Variants in DSC3 observed in about 807,000 individuals in gnomAD.
DSC3 encodes the protein desmocollin 3.
DSC3 carries 97 observed loss-of-function variants against 89.5 expected under a neutral mutation model. The ratio of observed to expected loss-of-function variants is 1.08; its 90% CI spans 0.92 to 1.28. The LOEUF is 1.28. Ranked by LOEUF, DSC3 falls within the 50% of genes most tolerant of loss-of-function variation. The pLI is 0.00. For synonymous variants in DSC3, 436 were observed against 384.1 expected (o/e 1.14, Z -1.58); for missense variants, 1,199 against 1,085.3 (o/e 1.10, Z -1.47).
chr18:31,021,396 T>C (rs1017916213), intron 7 of DSC3, among the ~76,000 whole-genome samples: 4 of 152,166 alleles, frequency 2.6e-5, no homozygotes, highest in African/African-American at 9.7e-5. Context: ...ATTTTATCTA[T>C]AACATAAAAT....
chr18:31,022,264 G>A lies in DSC3; in HGVS notation c.942+72C>T, dbSNP rs1046078677. The A allele has an allele frequency of 8.4e-6, 13 of 1,554,486 alleles. No homozygotes were observed. The East Asian group carries it at 2.9e-4, about 35-fold the overall frequency. The stretch of plus-strand genomic sequence containing the variant: ...AATTAAACTATTAATCCACAGGATA[G>A]CAAGTTATAATAAATGGGGGAGGGA... On this transcript the variant is annotated intron_variant, in intron 7 of 15. Transcript: ENST00000360428.
At chr18:31,003,395 T>C (rs1984733171) in intron 13 of DSC3, among the ~76,000 whole-genome samples, 1 of 152,234 alleles carries the variant, frequency 6.6e-6, no homozygotes, top group Admixed American at 6.5e-5. Context: ...GTGTTTGATA[T>C]ATGTTTATTT....
At chr18:31,001,586 T>C (rs373821740) in intron 14 of DSC3, 32 bp downstream of exon 14, 4 of 1,603,256 alleles carry the variant, frequency 2.5e-6, no homozygotes, top group Non-Finnish European at 3.4e-6. Flanking sequence ...TTATCGGAGA[T>C]ACAAATACAT....
chr18:31,010,340 A>T (rs973965152), intron 9 of DSC3, among the ~76,000 whole-genome samples: 1 of 152,202 alleles, frequency 6.6e-6, no homozygotes, highest in Non-Finnish European at 1.5e-5. Flanking sequence ...TCACACAGAG[A>T]GTAAGAGCAA....
At chr18:31,022,862 T>A (rs879642249) in intron 6 of DSC3, among the ~76,000 whole-genome samples, 2 of 152,194 alleles carry the variant, frequency 1.3e-5, no homozygotes, top group Non-Finnish European at 2.9e-5. Context: ...ATAATCAGAT[T>A]TTTTAAAAAT....
chr18:31,032,906 A>G (rs1985849006), intron 1 of DSC3, among the ~76,000 whole-genome samples: 1 of 152,198 alleles, frequency 6.6e-6, no homozygotes, highest in East Asian at 1.9e-4. Flanking sequence ...TTCTATACAC[A>G]GATGACATAA....
Position 30,994,306 on chromosome 18 carries a change from A to G in DSC3, c.2560T>C (p.Tyr854His). 2 of 1,614,058 alleles carry G rather than the reference A, an allele frequency of 1.2e-6. No homozygotes were observed. Among genetic ancestry groups the G allele is most frequent in the Non-Finnish European group, 1.7e-6 (2 of 1,179,970 alleles). The change falls in exon 16 of 16, where the codon TAT becomes CAT. Residue 854 changes from tyrosine (Y) to histidine (H), a missense_variant. Physicochemically the swap from Tyr to His is moderately conservative, Grantham distance 83. Transcript: ENST00000360428. ...PSQDYVLTYN[Y>H]EGRGSPAGSV... is the part of the protein sequence containing the mutation. ...CCAGCTGGAGATCCTCTTCCCTCAT[A>G]GTTATAAGTGAGGACATAATCTTGG...
In DSC3 at chr18:31,001,727, G is replaced by A; in HGVS notation, c.2126C>T (p.Thr709Ile). Reference sequence around the variant, plus strand: ...TGCACCAAAAACTCCACATACTAAAGTTAGCAATACAGCTGAATTTAAAAA... The same window carrying A: ...TGCACCAAAAACTCCACATACTAAAATTAGCAATACAGCTGAATTTAAAAA... ...GIALLFSVLL[T>I]LVCGVFGATK... The change falls in exon 14 of 16, where the codon ACT (threonine) becomes ATT (isoleucine). Residue 709 changes from threonine (T) to isoleucine (I), a missense_variant. Thr to Ile is a moderately conservative substitution (Grantham distance 89, BLOSUM62 -1). Transcript: ENST00000360428. The A allele has an allele frequency of 6.2e-7, 1 of 1,603,568 alleles. No individual in the cohort carries two copies. Among genetic ancestry groups the A allele is most frequent in the Middle Eastern group, 1.7e-4 (1 of 5,988 alleles).
At chr18:31,013,755 G>A (rs1985145690) in intron 9 of DSC3, among the ~76,000 whole-genome samples, 1 of 151,932 alleles carries the variant, frequency 6.6e-6, no homozygotes, top group South Asian at 2.1e-4. Context: ...AATATAGTTG[G>A]CAATTATTTT....
At chr18:31,002,958 AC>A (rs761524848) in intron 13 of DSC3, among the ~76,000 whole-genome samples, 7 of 152,058 alleles carry the variant, frequency 4.6e-5, no homozygotes, top group Non-Finnish European at 8.8e-5. Context: ...GCCCCACACT[AC>A]CTTTCTGGCT....
chr18:31,041,559 A>G (rs1986132270), intron 1 of DSC3, among the ~76,000 whole-genome samples: 1 of 152,188 alleles, frequency 6.6e-6, no homozygotes, highest in Non-Finnish European at 1.5e-5. Context: ...CGACGCGGGT[A>G]TAGACCTCGC....
chr18:30,994,360 A>G lies in DSC3; in HGVS notation c.2506T>C (p.Cys836Arg), dbSNP rs369525547. The G allele has an allele frequency of 3.7e-5, 60 of 1,613,712 alleles. No homozygotes were observed. Among genetic ancestry groups the G allele is most frequent in the Admixed American group, 1.8e-4 (11 of 60,004 alleles). Residue 836 changes from cysteine (C) to arginine (R), a missense_variant, in exon 16 of 16, where the codon TGT becomes CGT. By Grantham distance (180) the Cys-to-Arg change is radical (BLOSUM62 -3). Transcript: ENST00000360428. ...QPRLGEKLHRCNQNEDRMPSQ... is the reference protein window; with the variant it reads ...QPRLGEKLHRRNQNEDRMPSQ... Reference sequence around the variant, plus strand: ...GGCATGCGGTCTTCATTCTGATTACATCGATGCAATTTCTGTAAAATTTTT... The same window carrying G: ...GGCATGCGGTCTTCATTCTGATTACGTCGATGCAATTTCTGTAAAATTTTT...
rs1325462253 is a variant in DSC3 at position 30,990,856 on chromosome 18, A to G, written c.*3319T>C. On this transcript the variant is annotated 3_prime_UTR_variant, in exon 16 of 16. Coordinates refer to ENST00000360428, the MANE Select transcript of DSC3 (RefSeq NM_001941.5). ...ATATGTATCATAGATACTCATCTGT[A>G]AAGCTGTGCTTCAAAATAGTGATCT... 6.6e-6 allele frequency: 1 copy of G among 152,232 alleles called. No individual in the cohort carries two copies. The highest frequency in any genetic ancestry group is 1.5e-5 in the Non-Finnish European group (1 of 68,042). 9.4% of individuals were successfully genotyped at this position (152,232 alleles called of 1,614,324 possible).
At chr18:30,998,917 G>C (rs2144676652) in intron 14 of DSC3, among the ~76,000 whole-genome samples, 1 of 152,220 alleles carries the variant, frequency 6.6e-6, no homozygotes, top group Non-Finnish European at 1.5e-5. Context: ...GGGTAAGCAG[G>C]AAGGAGTATT....
rs1230964564 is a variant in DSC3, at chr18:30,989,663, T to C, written c.*4512A>G. ...TTTTTTAAGTAAAGGGAAAAGAAGGTTCTGAGATTCAAACCTTTGCAATCA... is the reference window on the plus strand; with the variant it reads ...TTTTTTAAGTAAAGGGAAAAGAAGGCTCTGAGATTCAAACCTTTGCAATCA... On this transcript the variant is annotated 3_prime_UTR_variant, in exon 16 of 16. Transcript: ENST00000360428. 6.6e-6 allele frequency among the ~76,000 whole-genome samples: 1 copy of C among 152,204 alleles called. No individual in the cohort carries two copies. Among genetic ancestry groups the C allele is most frequent in the Admixed American group, 6.5e-5 (1 of 15,272 alleles).
At chr18:31,034,927 G>A (rs1461844414) in intron 1 of DSC3, among the ~76,000 whole-genome samples, 2 of 152,024 alleles carry the variant, frequency 1.3e-5, no homozygotes, top group East Asian at 1.9e-4. Context: ...CTTAACAAAG[G>A]TGAATTTTAT....
chr18:31,005,609 G>T (rs940479137), intron 12 of DSC3, among the ~76,000 whole-genome samples: 6 of 152,152 alleles, frequency 3.9e-5, no homozygotes, highest in African/African-American at 1.4e-4. Flanking sequence ...CTCCTGGTAT[G>T]TTTCTTCTTT....
chr18:31,023,994 T>C, intron 6 of DSC3, among the ~76,000 whole-genome samples: 1 of 152,250 alleles, frequency 6.6e-6, no homozygotes, highest in Middle Eastern at 3.4e-3. Flanking sequence ...ACTATACCGA[T>C]TTTAGTTTTA....
At chr18:30,996,654 A>T in intron 15 of DSC3, 137 bp downstream of exon 15, 1 of 903,010 alleles carries the variant, frequency 1.1e-6, no homozygotes, top group Non-Finnish European at 1.6e-6. Flanking sequence ...AACAAAATCA[A>T]AGAGCACGGG....
Sources: allele counts gnomAD v4.1 joint callset (sites outside exome capture counted in the v4.1 genomes callset), GRCh38; gene constraint gnomAD v4.1.1; transcripts MANE v1.5; gene names NCBI Gene and HGNC (gene_info 2026-07-23, HGNC 2026-07-21).